The following TXK variants were observed in gnomAD, a reference collection of about 807,000 sequenced individuals.
TXK encodes tyrosine-protein kinase TXK.
Under a neutral mutation model 81.0 loss-of-function variants are expected in TXK, and 60 were observed. The ratio of observed to expected loss-of-function variants is 0.74; its 90% CI spans 0.60 to 0.92. The LOEUF (loss-of-function observed/expected upper bound fraction) is 0.92, where lower values mean the gene tolerates loss of function less well. Among genes scored for constraint, TXK ranks in the 40% least tolerant of loss-of-function variants. TXK has a pLI of 0.00. For synonymous variants in TXK, 203 were observed against 210.7 expected, an observed-to-expected ratio of 0.96 and a Z score of 0.32; for missense variants, 581 against 638.3, an observed-to-expected ratio of 0.91 and a Z score of 0.97.
At chr4:48,072,394 G>A (rs1716899141) in intron 13 of TXK, among the ~76,000 whole-genome samples, 1 of 152,164 alleles carries the variant, frequency 6.6e-6, no homozygotes, top group Non-Finnish European at 1.5e-5. Context: ...AGGATTATGT[G>A]AGCCTCTGCT....
intron 9 of TXK, chr4:48,089,399 C>CT (rs544946497): frequency 0.024 from 3,568 of 151,520 alleles, 39 homozygotes; most frequent in African/African-American, 0.034. Flanking sequence ...TTTTTTTTTC[C>CT]TTTTTTTTTG....
chr4:48,103,313 C>T (rs907151230), intron 6 of TXK, among the ~76,000 whole-genome samples: 49 of 152,094 alleles, frequency 3.2e-4, no homozygotes, highest in African/African-American at 1.1e-3. Flanking sequence ...TTTTTTTCTC[C>T]GTGTTGGACC....
chr4:48,076,372 A>G (rs1464457292), intron 12 of TXK, 30 bp downstream of exon 12: 5 of 1,483,186 alleles, frequency 3.4e-6, no homozygotes, highest in Non-Finnish European at 4.6e-6. Flanking sequence ...ACAAACAAAC[A>G]AAATACATAT....
At chr4:48,120,642 C>G (rs1312501421) in intron 1 of TXK, among the ~76,000 whole-genome samples, 1 of 152,044 alleles carries the variant, frequency 6.6e-6, no homozygotes, top group Non-Finnish European at 1.5e-5. Flanking sequence ...AGACACCTGT[C>G]ACCATGCCCG....
Position 48,128,435 on chromosome 4 carries a change from G to C in TXK, c.16+5720C>G, listed in dbSNP as rs529168485. The stretch of plus-strand genomic sequence containing the variant: ...TAAAAACTTGTGGCTTTGGAAAAAT[G>C]GCTCTGGGTGACCAGAGCTGATTCT... On this transcript the variant is annotated intron_variant, in intron 1 of 14. Transcript: ENST00000264316. Among the ~76,000 whole-genome samples the C allele has an allele frequency of 9.9e-5, 15 of 152,110 alleles. No individual in the cohort carries two copies. The East Asian group carries it at 2.5e-3, about 25-fold the overall frequency.
chr4:48,112,015 A>G (rs1298281779), intron 4 of TXK, among the ~76,000 whole-genome samples: 1 of 152,244 alleles, frequency 6.6e-6, no homozygotes, highest in Non-Finnish European at 1.5e-5. Flanking sequence ...AAGAACCTAC[A>G]TTGTCAGAAT....
intron 12 of TXK, among the ~76,000 whole-genome samples, chr4:48,076,191 G>A (rs1378401005): frequency 6.6e-6 from 1 of 152,072 alleles, no homozygotes; most frequent in Non-Finnish European, 1.5e-5. Flanking sequence ...AAGATGAGAA[G>A]AATAGCCCAC....
Position 48,115,038 on chromosome 4 carries a change from T to C in TXK, c.17-636A>G, listed in dbSNP as rs922405616. ...GTATTGGTATTTCTTTCTTTCTTTT[T>C]TTTTTTAATTTTACTTTAAGTTCTG... On this transcript the variant is annotated intron_variant, in intron 1 of 14. Transcript: ENST00000264316. Among the ~76,000 whole-genome samples the C allele has an allele frequency of 2.8e-4, 42 of 152,242 alleles. No individual in the cohort carries two copies. The Middle Eastern group carries it at 0.01, about 37-fold the overall frequency.
chr4:48,067,844 G>T (rs906093625), intron 14 of TXK, 139 bp from the exon 15 acceptor site: 3 of 836,620 alleles, frequency 3.6e-6, no homozygotes, highest in Non-Finnish European at 5.6e-6. Flanking sequence ...TTTCACTCAT[G>T]CAAAAATTCA....
At chr4:48,115,520 T>C (rs1718777666) in intron 1 of TXK, among the ~76,000 whole-genome samples, 1 of 152,168 alleles carries the variant, frequency 6.6e-6, no homozygotes, top group African/African-American at 2.4e-5. Context: ...TCAAGCTTCA[T>C]CTTTATTGAA....
chr4:48,107,899 TAAAAAAAAAAA>T (rs57715867), intron 5 of TXK, among the ~76,000 whole-genome samples: 3 of 128,800 alleles, frequency 2.3e-5, no homozygotes, highest in African/African-American at 6.9e-5. Context: ...TGTCTCTACT[TAAAAAAAAAAA>T]AAAAAAAAAA....
At chr4:48,078,625 A>C (rs1717162141) in intron 11 of TXK, among the ~76,000 whole-genome samples, 1 of 152,236 alleles carries the variant, frequency 6.6e-6, no homozygotes, top group Non-Finnish European at 1.5e-5. Flanking sequence ...CAGTGCTCTT[A>C]GCATATGGTT....
chr4:48,090,213 T>C (rs1042652216), intron 8 of TXK, among the ~76,000 whole-genome samples: 1 of 152,246 alleles, frequency 6.6e-6, no homozygotes, highest in African/African-American at 2.4e-5. Context: ...GTAATTGATA[T>C]ATGTCATTGA....
At chr4:48,104,746 T>C (rs1426739712) in intron 6 of TXK, among the ~76,000 whole-genome samples, 155 bp downstream of exon 6, 1 of 148,308 alleles carries the variant, frequency 6.7e-6, no homozygotes, top group Admixed American at 6.9e-5. Flanking sequence ...AATACAAATA[T>C]ATCTGATTTA....
At chr4:48,116,998 G>A (rs886525808) in intron 1 of TXK, among the ~76,000 whole-genome samples, 2 of 152,110 alleles carry the variant, frequency 1.3e-5, no homozygotes, top group African/African-American at 4.8e-5. Flanking sequence ...TGATTCTCCT[G>A]CCTCAGCCTC....
rs572029969 is a variant in TXK at position 48,066,446 on chromosome 4, C to A, written c.*1191G>T. The stretch of plus-strand genomic sequence containing the variant: ...GAATGTCATTGATATATAAAGATAC[C>A]ATTCTTTGAGTGGGGGAAATATAAT... On this transcript the variant is annotated 3_prime_UTR_variant, in exon 15 of 15. Transcript: ENST00000264316. 9.9e-5 allele frequency: 15 copies of A among 152,250 alleles called. No homozygotes were observed. The highest frequency in any genetic ancestry group is 3.1e-4 in the African/African-American group (13 of 41,534). 9.4% of individuals were successfully genotyped at this position (152,250 alleles called of 1,614,324 possible). A position where few individuals can be genotyped will look rare whatever the true frequency, so the allele number is the denominator to read the frequency against.
chr4:48,084,262 T>G (rs1348291791), intron 10 of TXK, among the ~76,000 whole-genome samples: 1 of 151,556 alleles, frequency 6.6e-6, no homozygotes, highest in African/African-American at 2.4e-5. Flanking sequence ...GCTAGTTTTT[T>G]TGTTTTTTTT....
intron 8 of TXK, among the ~76,000 whole-genome samples, chr4:48,093,659 A>G (rs1463598224): frequency 6.6e-6 from 1 of 152,236 alleles, no homozygotes; most frequent in Non-Finnish European, 1.5e-5. Context: ...GAAAGAACAG[A>G]GAGTGAGAGA....
chr4:48,123,624 G>A (rs1016151532), intron 1 of TXK, among the ~76,000 whole-genome samples: 1 of 152,202 alleles, frequency 6.6e-6, no homozygotes, highest in Admixed American at 6.5e-5. Context: ...ATGACTCTGT[G>A]AAGTAGATGC....
Sources: gnomAD v4.1 joint callset for allele counts (sites outside exome capture counted in the v4.1 genomes callset) on GRCh38, gnomAD v4.1.1 for gene constraint, MANE v1.5 for transcripts, NCBI Gene and HGNC (gene_info 2026-07-23, HGNC 2026-07-21) for gene names.